The following METTL25 variants were observed in gnomAD, a reference collection of about 807,000 sequenced individuals.
METTL25 encodes methyltransferase like 25.
In METTL25, 64 loss-of-function variants were observed where a neutral mutation model predicts 71.6. The observed-to-expected ratio is 0.89, with a 90% confidence interval of 0.73 to 1.10. METTL25 has a LOEUF of 1.10. Among genes scored for constraint, METTL25 ranks in the 50% least tolerant of loss-of-function variants. The pLI is 0.00. For missense variants in METTL25, 807 were observed against 707.0 expected (o/e 1.14, Z -1.60); for synonymous variants, 287 against 250.3 (o/e 1.15, Z -1.38).
intron 1 of METTL25, among the ~76,000 whole-genome samples, chr12:82,379,550 T>C (rs922123216): frequency 2.6e-5 from 4 of 152,164 alleles, no homozygotes; most frequent in African/African-American, 9.7e-5. Context: ...TGAAACAGTT[T>C]GAGATTATGG....
chr12:82,442,511 A>G (rs2137199850), intron 8 of METTL25, among the ~76,000 whole-genome samples: 1 of 152,276 alleles, frequency 6.6e-6, no homozygotes, highest in South Asian at 2.1e-4. Context: ...CTATTTATAT[A>G]CATTCTTGAA....
chr12:82,462,387 G>C (rs1011570478), intron 9 of METTL25, among the ~76,000 whole-genome samples: 1 of 151,942 alleles, frequency 6.6e-6, no homozygotes, highest in African/African-American at 2.4e-5. Context: ...CAAGCCTCTG[G>C]AATCCTCTGT....
In METTL25 at chr12:82,358,795, G is replaced by A. The variant is rs201805528; in HGVS notation, c.230G>A (p.Arg77His). The change falls in exon 1 of 12, where the codon CGC (arginine) becomes CAC (histidine). Residue 77 changes from arginine to histidine, a missense_variant. Transcript: ENST00000248306. ...SETEALPSET[R>H]PLVEAEWEAG... ...ACGGAGGCCCTGCCCTCAGAGACGCGCCCCCTAGTGGAAGCAGAGTGGGAA... is the reference window on the plus strand; with the variant it reads ...ACGGAGGCCCTGCCCTCAGAGACGCACCCCCTAGTGGAAGCAGAGTGGGAA... 1.9e-6 allele frequency: 3 copies of A among 1,613,200 alleles called. No individual in the cohort carries two copies. The highest frequency in any genetic ancestry group is 2.5e-6 in the Non-Finnish European group (3 of 1,179,676).
chr12:82,426,474 C>T (rs1296173771), intron 5 of METTL25, among the ~76,000 whole-genome samples: 2 of 151,984 alleles, frequency 1.3e-5, no homozygotes. Flanking sequence ...GATCCAGGTG[C>T]ATCAAGGAAG....
intron 5 of METTL25, among the ~76,000 whole-genome samples, chr12:82,420,545 G>A (rs1323224511): frequency 6.6e-6 from 1 of 152,012 alleles, no homozygotes; most frequent in Non-Finnish European, 1.5e-5. Context: ...AGAAAAGAAA[G>A]GGAGGGGAAA....
chr12:82,391,316 A>C (rs188660938), intron 3 of METTL25, among the ~76,000 whole-genome samples: 5 of 152,104 alleles, frequency 3.3e-5, no homozygotes, highest in African/African-American at 4.8e-5. Context: ...AATGTGTACT[A>C]TATGAAAGGG....
intron 7 of METTL25, among the ~76,000 whole-genome samples, chr12:82,438,245 C>A (rs530622466): frequency 6.6e-6 from 1 of 151,746 alleles, no homozygotes; most frequent in Non-Finnish European, 1.5e-5. Flanking sequence ...CTCAGACAAT[C>A]TTTGTATTTC....
Position 82,479,208 on chromosome 12 carries a change from A to T in METTL25, c.*184A>T, listed in dbSNP as rs1437619706. On this transcript the variant is annotated 3_prime_UTR_variant, in exon 12 of 12. Transcript: ENST00000248306. ...TTTTCCATTGTCAAAGCATACATTA[A>T]TAAAAGAAGAACCTGTCATAATAAT... is the stretch of plus-strand genomic sequence containing the variant. 4.0e-6 allele frequency: 2 copies of T among 496,932 alleles called. No homozygotes were observed. The highest frequency in any genetic ancestry group is 6.1e-5 in the East Asian group (2 of 32,882). 30.8% of individuals were successfully genotyped at this position (496,932 alleles called of 1,614,324 possible).
At chr12:82,434,301 A>G (rs1214018183) in intron 6 of METTL25, among the ~76,000 whole-genome samples, 7 of 151,370 alleles carry the variant, frequency 4.6e-5, no homozygotes, top group Admixed American at 2.0e-4. Flanking sequence ...GTTAAAATAT[A>G]TAAATATATC....
chr12:82,435,297 C>A (rs1277122015), intron 7 of METTL25, among the ~76,000 whole-genome samples: 1 of 150,900 alleles, frequency 6.6e-6, no homozygotes, highest in African/African-American at 2.4e-5. Flanking sequence ...TAAATTTAAC[C>A]TAAAGTTTAG....
chr12:82,419,102 C>T (rs546915416), intron 5 of METTL25, among the ~76,000 whole-genome samples: 2 of 152,116 alleles, frequency 1.3e-5, no homozygotes, highest in African/African-American at 4.8e-5. Flanking sequence ...GATCAAGAGG[C>T]AGCAGACAAG....
chr12:82,395,665 G>T (rs796924751), intron 3 of METTL25, among the ~76,000 whole-genome samples: 4 of 152,172 alleles, frequency 2.6e-5, no homozygotes, highest in African/African-American at 9.6e-5. Flanking sequence ...ACCACTGCTT[G>T]TAACAATGTT....
At chr12:82,405,709 A>T (rs995337604) in intron 5 of METTL25, among the ~76,000 whole-genome samples, 2 of 152,218 alleles carry the variant, frequency 1.3e-5, no homozygotes, top group Non-Finnish European at 2.9e-5. Context: ...TAAAGGAAGA[A>T]AGAAGCAAGA....
chr12:82,408,334 A>G (rs1210009076), intron 5 of METTL25, among the ~76,000 whole-genome samples: 1 of 152,006 alleles, frequency 6.6e-6, no homozygotes, highest in South Asian at 2.1e-4. Flanking sequence ...AGTGTACATC[A>G]AAGTCCAAAA....
chr12:82,450,767 T>C (rs1211074635), intron 8 of METTL25, among the ~76,000 whole-genome samples: 2 of 152,134 alleles, frequency 1.3e-5, no homozygotes, highest in African/African-American at 4.8e-5. Context: ...CCAGAAACAC[T>C]TCTCTACTCA....
rs867620589 is a variant in METTL25 at position 82,434,705 on chromosome 12, G to A, written c.1385G>A (p.Arg462Gln). Residue 462 changes from arginine (R) to glutamine (Q), a missense_variant, in exon 7 of 12, where the codon CGG becomes CAG. Physicochemically the swap from Arg to Gln is conservative, Grantham distance 43. Coordinates refer to ENST00000248306, the MANE Select transcript of METTL25 (RefSeq NM_032230.3). ...TTTTTTCCCTTTAAGGCATTGGAGC[G>A]GGTTGCAGCTGGCCAAGGGGTAAGT... is the stretch of plus-strand genomic sequence containing the variant. ...ARMSACLALE[R>Q]VAAGQGLPTE... 16 of 1,609,186 alleles carry A rather than the reference G, an allele frequency of 9.9e-6. No homozygotes were observed. The highest frequency in any genetic ancestry group is 3.4e-5 in the Admixed American group (2 of 59,640).
chr12:82,434,842 A>C (rs1018628551), intron 7 of METTL25, 118 bp downstream of exon 7: 2 of 859,126 alleles, frequency 2.3e-6, no homozygotes, highest in African/African-American at 3.4e-5. Flanking sequence ...TCCCAGATGC[A>C]TATTCAAATT....
chr12:82,391,469 T>C (rs1885574456), intron 3 of METTL25, among the ~76,000 whole-genome samples: 1 of 152,002 alleles, frequency 6.6e-6, no homozygotes, highest in Non-Finnish European at 1.5e-5. Context: ...GCAAAATTTG[T>C]CCATAATCCT....
chr12:82,415,656 T>C (rs1887918240), intron 5 of METTL25, among the ~76,000 whole-genome samples: 1 of 152,128 alleles, frequency 6.6e-6, no homozygotes, highest in Non-Finnish European at 1.5e-5. Flanking sequence ...TGTCTCAGCT[T>C]ATGCAGTGAG....
Sources: allele counts gnomAD v4.1 joint callset (sites outside exome capture counted in the v4.1 genomes callset), GRCh38; gene constraint gnomAD v4.1.1; transcripts MANE v1.5; gene names NCBI Gene and HGNC (gene_info 2026-07-23, HGNC 2026-07-21).